Variants in ROR1 observed in about 807,000 individuals in gnomAD.
The protein encoded by ROR1 is ROR family WNT receptor 1, also known as inactive tyrosine-protein kinase transmembrane receptor ROR1.
Under a neutral mutation model 78.8 loss-of-function variants are expected in ROR1, and 19 were observed. That is an observed-to-expected ratio of 0.24 (90% CI 0.17 to 0.35). The LOEUF is 0.35. ROR1 is among the 10% of genes least tolerant of loss of function. The pLI, the probability that ROR1 is intolerant of heterozygous loss-of-function variation, is 1.00. For synonymous variants in ROR1, 386 were observed against 433.6 expected (o/e 0.89, Z 1.36); for missense variants, 917 against 1,177.8 (o/e 0.78, Z 3.24).
At chr1:63,809,334 G>C (rs1366513782) in intron 1 of ROR1, among the ~76,000 whole-genome samples, 1 of 152,214 alleles carries the variant, frequency 6.6e-6, no homozygotes, top group Non-Finnish European at 1.5e-5. Context: ...TGTCTGTGAA[G>C]AGTATTGGGA....
intron 1 of ROR1, among the ~76,000 whole-genome samples, chr1:63,895,989 G>A (rs1645436223): frequency 1.3e-5 from 2 of 151,998 alleles, no homozygotes; most frequent in Admixed American, 6.6e-5. Flanking sequence ...CTCACAGGTC[G>A]CTAGATGGAC....
chr1:63,933,206 G>T (rs1645767852), intron 1 of ROR1, among the ~76,000 whole-genome samples: 1 of 152,238 alleles, frequency 6.6e-6, no homozygotes, highest in Admixed American at 6.5e-5. Context: ...AGACAGGGCA[G>T]CATAGTAGTG....
chr1:64,173,199 T>C (rs1021714084), intron 8 of ROR1, among the ~76,000 whole-genome samples: 1 of 152,182 alleles, frequency 6.6e-6, no homozygotes, highest in Non-Finnish European at 1.5e-5. Flanking sequence ...GAAGATTTTG[T>C]GGACTCTGCC....
intron 4 of ROR1, among the ~76,000 whole-genome samples, chr1:64,050,924 T>A (rs1646823608): frequency 1.3e-5 from 2 of 152,196 alleles, no homozygotes; most frequent in South Asian, 4.1e-4. Flanking sequence ...GTAGTAATGT[T>A]GATTCTGAAT....
At chr1:63,946,939 C>T (rs1042129224) in intron 1 of ROR1, among the ~76,000 whole-genome samples, 8 of 152,194 alleles carry the variant, frequency 5.3e-5, no homozygotes, top group Non-Finnish European at 7.3e-5. Flanking sequence ...TGAAGCCATA[C>T]CTTTCACAGT....
chr1:63,899,425 T>C (rs1645467287), intron 1 of ROR1, among the ~76,000 whole-genome samples: 1 of 152,132 alleles, frequency 6.6e-6, no homozygotes, highest in African/African-American at 2.4e-5. Flanking sequence ...CCTTTGTATC[T>C]CCTAAATTTG....
intron 1 of ROR1, among the ~76,000 whole-genome samples, chr1:63,979,964 T>G (rs17097108): frequency 0.07 from 10,566 of 152,006 alleles, 434 homozygotes; most frequent in Middle Eastern, 0.095. Flanking sequence ...CATCAAACAC[T>G]GTGGAATAGC....
At chr1:64,008,017 C>T (rs1302554145) in intron 1 of ROR1, among the ~76,000 whole-genome samples, 1 of 148,084 alleles carries the variant, frequency 6.8e-6, no homozygotes, top group East Asian at 1.9e-4. Context: ...CATGTACAGG[C>T]TTGTTGTGAG....
chr1:63,782,548 T>G (rs1279062639), intron 1 of ROR1, among the ~76,000 whole-genome samples: 1 of 130,700 alleles, frequency 7.7e-6, no homozygotes, highest in Non-Finnish European at 1.5e-5. Context: ...TTTGAGGTTT[T>G]TTTTTTTTGT....
chr1:63,784,368 A>C (rs1177182673), intron 1 of ROR1, among the ~76,000 whole-genome samples: 1 of 152,160 alleles, frequency 6.6e-6, no homozygotes, highest in East Asian at 1.9e-4. Context: ...TTGTGCCTCT[A>C]ATATACTGAT....
chr1:64,132,887 T>C (rs1287912310), intron 4 of ROR1, among the ~76,000 whole-genome samples: 2 of 152,024 alleles, frequency 1.3e-5, no homozygotes, highest in African/African-American at 4.8e-5. Context: ...CCATGCCCTG[T>C]ATATTCTGAT....
At chr1:63,779,597 A>C (rs549964652) in intron 1 of ROR1, among the ~76,000 whole-genome samples, 1 of 152,330 alleles carries the variant, frequency 6.6e-6, no homozygotes, top group African/African-American at 2.4e-5. Flanking sequence ...ACTGACTTGC[A>C]TGCCAGGAAT....
intron 1 of ROR1, among the ~76,000 whole-genome samples, chr1:63,986,617 G>T (rs953720527): frequency 5.3e-5 from 8 of 152,212 alleles, no homozygotes; most frequent in Admixed American, 2.6e-4. Context: ...ACCAGGCTGG[G>T]CGTGGTGGCT....
At chr1:64,167,283 T>A (rs1199570047) in intron 8 of ROR1, among the ~76,000 whole-genome samples, 1 of 152,202 alleles carries the variant, frequency 6.6e-6, no homozygotes, top group African/African-American at 2.4e-5. Flanking sequence ...CCCATTGGCA[T>A]TATAAAGTAA....
At chr1:63,783,297 G>T (rs996389904) in intron 1 of ROR1, among the ~76,000 whole-genome samples, 29 of 152,140 alleles carry the variant, frequency 1.9e-4, no homozygotes. Flanking sequence ...TAAAAATGTT[G>T]TGCATTTCAG....
At chr1:64,003,210 T>C (rs113925812) in intron 1 of ROR1, among the ~76,000 whole-genome samples, 11 of 152,180 alleles carry the variant, frequency 7.2e-5, no homozygotes, top group Admixed American at 2.0e-4. Flanking sequence ...TTTCTTTTTT[T>C]TCCTGCAGAT....
chr1:63,934,783 A>T (rs1186927298), intron 1 of ROR1, among the ~76,000 whole-genome samples: 1 of 152,156 alleles, frequency 6.6e-6, no homozygotes, highest in Non-Finnish European at 1.5e-5. Context: ...TCTGGGCCTG[A>T]GAAGATCCTG....
chr1:63,922,703 C>T (rs185584358), intron 1 of ROR1, among the ~76,000 whole-genome samples: 108 of 152,238 alleles, frequency 7.1e-4, no homozygotes, highest in African/African-American at 2.4e-3. Flanking sequence ...TTTAACACAG[C>T]TTATCCAGGT....
intron 1 of ROR1, among the ~76,000 whole-genome samples, chr1:63,922,528 G>A (rs1005440658): frequency 5.3e-5 from 8 of 152,082 alleles, no homozygotes; most frequent in African/African-American, 9.7e-5. Flanking sequence ...CCAAACATCC[G>A]TCTCTTTGCA....
Sources: allele counts gnomAD v4.1 joint callset (sites outside exome capture counted in the v4.1 genomes callset), GRCh38; gene constraint gnomAD v4.1.1; transcripts MANE v1.5; gene names NCBI Gene and HGNC (gene_info 2026-07-23, HGNC 2026-07-21).